Variants in DNMBP observed in about 807,000 individuals in gnomAD.
The protein encoded by DNMBP is dynamin binding protein, also known as dynamin-binding protein.
A neutral mutation model predicts 150.0 loss-of-function variants in DNMBP; 87 were observed. That is an observed-to-expected ratio of 0.58 (90% confidence interval 0.49 to 0.69). The LOEUF is 0.69. Among genes scored for constraint, DNMBP ranks in the 30% least tolerant of loss-of-function variants. The pLI, the probability that DNMBP is intolerant of heterozygous loss-of-function variation, is 0.00. For missense variants in DNMBP, 1,774 were observed against 1,949.0 expected (o/e 0.91, Z 1.69); for synonymous variants, 711 against 750.4 (o/e 0.95, Z 0.86).
intron 7 of DNMBP, 115 bp from the exon 8 acceptor site, chr10:99,898,875 G>T: frequency 9.5e-7 from 1 of 1,049,714 alleles, no homozygotes; most frequent in Non-Finnish European, 1.4e-6. Context: ...GAATGTTTAT[G>T]GTAACATATT....
At position 99,922,817 on chromosome 10, in the gene DNMBP, C is replaced by T. The variant is rs566947474; in HGVS notation, c.2261-13671G>A. On this transcript the variant is annotated intron_variant, in intron 4 of 16. Coordinates refer to ENST00000324109, the MANE Select transcript of DNMBP (RefSeq NM_015221.4). ...TTTACTCGAAAGCTTCAGTTATCTC[C>T]CAACTCTTGAAGAAATATGGCCCTG... Among the ~76,000 whole-genome samples, 104 of 152,222 alleles carry T rather than the reference C, an allele frequency of 6.8e-4. 1 individual carries two copies. The highest frequency in any genetic ancestry group is 2.3e-3 in the African/African-American group (96 of 41,522).
chr10:99,915,108 A>AAAAAATATATATAT (rs10654940), intron 4 of DNMBP, among the ~76,000 whole-genome samples: 20 of 99,796 alleles, frequency 2.0e-4, no homozygotes, highest in African/African-American at 6.6e-4. Context: ...AAAAAAAAAA[A>AAAAAATATATATAT]ATATATATAT....
At chr10:99,902,733 G>T (rs1469048950) in intron 6 of DNMBP, among the ~76,000 whole-genome samples, 1 of 150,778 alleles carries the variant, frequency 6.6e-6, no homozygotes, top group African/African-American at 2.4e-5. Context: ...TTCGAGACCA[G>T]CCTGGCCAAC....
In DNMBP at chr10:99,898,232, C is replaced by T. The variant is rs778860228; in HGVS notation, c.2774G>A (p.Arg925Lys). ...TAGCAACAGCGGGTAACGCATTACTCTCTGTACTGGTTTGATGAGGAAGGA... is the reference window on the plus strand; with the variant it reads ...TAGCAACAGCGGGTAACGCATTACTTTCTGTACTGGTTTGATGAGGAAGGA... ...LGSFLIKPVQ[R>K]VMRYPLLLME... Residue 925 changes from arginine (R) to lysine (K), a missense_variant, in exon 9 of 17, where the codon AGA becomes AAA. This residue lies in a region of DNMBP where 1,430 missense variants were observed against 1,492.5 expected (regional missense o/e 0.96). Transcript: ENST00000324109. 5 of 1,614,042 alleles carry T rather than the reference C, an allele frequency of 3.1e-6. No homozygotes were observed. In the South Asian group the frequency reaches 5.5e-5, roughly 18 times the overall value.
chr10:99,911,869 TAA>T (rs1187210448), intron 4 of DNMBP, among the ~76,000 whole-genome samples: 3 of 152,238 alleles, frequency 2.0e-5, no homozygotes, highest in African/African-American at 7.2e-5. Context: ...AGGCTTGTTT[TAA>T]ATTTTCTTTG....
intron 1 of DNMBP, among the ~76,000 whole-genome samples, chr10:99,975,859 C>T (rs2040723353): frequency 1.3e-5 from 2 of 152,232 alleles, no homozygotes; most frequent in Admixed American, 1.3e-4. Flanking sequence ...ACCATCAAGA[C>T]TATTATAGTT....
chr10:99,966,705 A>G (rs2040622255), intron 3 of DNMBP, among the ~76,000 whole-genome samples: 1 of 152,238 alleles, frequency 6.6e-6, no homozygotes, highest in Non-Finnish European at 1.5e-5. Context: ...ATAGAGCTGA[A>G]GTAGAGACTG....
chr10:99,889,047 G>C (rs2039517734), intron 11 of DNMBP, 94 bp from the exon 12 acceptor site: 2 of 1,435,134 alleles, frequency 1.4e-6, no homozygotes, highest in South Asian at 2.8e-5. Flanking sequence ...TTGGAAAAAT[G>C]AGTTCCATAA....
In DNMBP at chr10:99,876,327, G is replaced by C. The variant is rs1279886397; in HGVS notation, c.*824C>G. 1 of 151,990 alleles carries C rather than the reference G, an allele frequency of 6.6e-6. No homozygotes were observed. Among genetic ancestry groups the C allele is most frequent in the East Asian group, 1.9e-4 (1 of 5,184 alleles). 9.4% of individuals were successfully genotyped at this position (151,990 alleles called of 1,614,324 possible). A position where few individuals can be genotyped will look rare whatever the true frequency, so the allele number is the denominator to read the frequency against. On this transcript the variant is annotated 3_prime_UTR_variant, in exon 17 of 17. Coordinates refer to ENST00000324109, the MANE Select transcript of DNMBP (RefSeq NM_015221.4). ...GGCTTACACCTGTAATCTCAGCAGGGAGGCGGGAGGGTTGCTTGAGCCCAG... is the reference window on the plus strand; with the variant it reads ...GGCTTACACCTGTAATCTCAGCAGGCAGGCGGGAGGGTTGCTTGAGCCCAG...
intron 3 of DNMBP, chr10:99,958,514 A>C (rs1214600020): frequency 6.6e-6 from 1 of 152,230 alleles, no homozygotes; most frequent in Non-Finnish European, 1.5e-5. Context: ...GTTTCCTCCA[A>C]AATGAAAGTG....
chr10:99,924,154 G>A (rs7086960), intron 4 of DNMBP, among the ~76,000 whole-genome samples: 9,172 of 151,590 alleles, frequency 0.061, 320 homozygotes, highest in Middle Eastern at 0.19. Context: ...GCTCCAGGCC[G>A]GGTGCGGTGG....
chr10:99,951,888 G>C (rs1385817590), intron 4 of DNMBP, among the ~76,000 whole-genome samples: 1 of 152,168 alleles, frequency 6.6e-6, no homozygotes, highest in Non-Finnish European at 1.5e-5. Context: ...GATTAGTTTT[G>C]AAATGTGACG....
chr10:99,960,642 A>T (rs2040554419), intron 3 of DNMBP, among the ~76,000 whole-genome samples: 4 of 152,108 alleles, frequency 2.6e-5, no homozygotes, highest in African/African-American at 9.7e-5. Flanking sequence ...CCCTGTGTCT[A>T]CTAAAAATAC....
chr10:99,886,488 T>G lies in DNMBP; in HGVS notation c.3430A>C (p.Lys1144Gln). ...CTERAEKLKDKKTLEELQSAR... is the reference protein window; with the variant it reads ...CTERAEKLKDQKTLEELQSAR... ...GACTGCAGCTCCTCCAGGGTCTTCT[T>G]GTCCTTTAGCTTTTCTGCCCGTTCT... The change falls in exon 13 of 17, where the codon AAG becomes CAG. Residue 1144 changes from lysine to glutamine, a missense_variant. Lys to Gln is a moderately conservative substitution (Grantham distance 53). Coordinates refer to ENST00000324109, the MANE Select transcript of DNMBP (RefSeq NM_015221.4). 6.2e-7 allele frequency: 1 copy of G among 1,614,198 alleles called. No homozygotes were observed. Among genetic ancestry groups the G allele is most frequent in the Non-Finnish European group, 8.5e-7 (1 of 1,180,028 alleles).
At position 99,888,907 on chromosome 10, in the gene DNMBP, A is replaced by G; in HGVS notation, c.3203T>C (p.Val1068Ala). The change falls in exon 12 of 17, where the codon GTG (valine) becomes GCG (alanine). Residue 1068 changes from valine (V) to alanine (A), a missense_variant. Physicochemically the swap from Val to Ala is moderately conservative, Grantham distance 64. This residue lies in a region of DNMBP where 1,430 missense variants were observed against 1,492.5 expected (regional missense o/e 0.96). Coordinates refer to ENST00000324109, the MANE Select transcript of DNMBP (RefSeq NM_015221.4). ...GTCCCGGTGTCCTCTCTCCATGCAC[A>G]CATCCCACATGCTCACAGCAGCCAC... ...KVVAAVSMWD[V>A]CMERGHRDLE... The G allele has an allele frequency of 1.9e-6, 3 of 1,614,194 alleles. No individual in the cohort carries two copies. The highest frequency in any genetic ancestry group is 1.3e-5 in the African/African-American group (1 of 75,044).
At chr10:99,999,895 TG>T (rs2040991512) in intron 1 of DNMBP, among the ~76,000 whole-genome samples, 1 of 152,116 alleles carries the variant, frequency 6.6e-6, no homozygotes, top group African/African-American at 2.4e-5. Context: ...TGGTAGGCAC[TG>T]GTAAGTGTCA....
chr10:99,984,219 A>G (rs143441005), intron 1 of DNMBP, among the ~76,000 whole-genome samples: 1 of 152,358 alleles, frequency 6.6e-6, no homozygotes, highest in Admixed American at 6.5e-5. Flanking sequence ...CAGGACCTAC[A>G]AAGTTTGAGG....
chr10:99,904,329 GAAC>G (rs1192767314), intron 6 of DNMBP, among the ~76,000 whole-genome samples: 1 of 152,018 alleles, frequency 6.6e-6, no homozygotes, highest in Admixed American at 6.6e-5. Context: ...GGGTCATTAT[GAAC>G]AACATAGCTC....
At chr10:99,886,897 T>C (rs1282303753) in intron 12 of DNMBP, among the ~76,000 whole-genome samples, 1 of 152,132 alleles carries the variant, frequency 6.6e-6, no homozygotes, top group Non-Finnish European at 1.5e-5. Context: ...TTGACCTCCT[T>C]GAGGTGATAA....
Sources: allele counts gnomAD v4.1 joint callset (sites outside exome capture counted in the v4.1 genomes callset), GRCh38; gene constraint gnomAD v4.1.1; regional missense constraint gnomAD v4.1.1; transcripts MANE v1.5; gene names NCBI Gene and HGNC (gene_info 2026-07-23, HGNC 2026-07-21).